Variants in HSD17B4 observed in about 807,000 individuals in gnomAD.
HSD17B4 encodes the protein hydroxysteroid 17-beta dehydrogenase 4.
In HSD17B4, 70 loss-of-function variants were observed where a neutral mutation model predicts 101.0. The observed-to-expected ratio is 0.69, with a 90% CI of 0.57 to 0.85. HSD17B4 has a LOEUF of 0.85. Ranked by LOEUF, HSD17B4 falls within the 40% of genes least tolerant of loss-of-function variation. The pLI is 0.00. For missense variants in HSD17B4, 984 were observed against 892.4 expected, an observed-to-expected ratio of 1.10 and a Z score of -1.31; for synonymous variants, 347 against 297.1, an observed-to-expected ratio of 1.17 and a Z score of -1.73.
chr5:119,491,434 G>C (rs561486731), intron 9 of HSD17B4, among the ~76,000 whole-genome samples: 1 of 147,964 alleles, frequency 6.8e-6, no homozygotes, highest in East Asian at 2.0e-4. Context: ...GTGACAAACA[G>C]ATTTTCTTTA....
chr5:119,476,968 T>C (rs1449667604), intron 6 of HSD17B4, among the ~76,000 whole-genome samples: 1 of 152,214 alleles, frequency 6.6e-6, no homozygotes, highest in Non-Finnish European at 1.5e-5. Context: ...AAAACAGGCC[T>C]CTCACTAACT....
At chr5:119,499,589 A>C in intron 13 of HSD17B4, 36 bp downstream of exon 13, 1 of 1,155,954 alleles carries the variant, frequency 8.7e-7, no homozygotes, top group Non-Finnish European at 1.3e-6. Context: ...TTGCTTTTCT[A>C]TTTCTGTAAA....
At chr5:119,515,729 T>C (rs1752551187) in intron 17 of HSD17B4, among the ~76,000 whole-genome samples, 1 of 152,136 alleles carries the variant, frequency 6.6e-6, no homozygotes, top group Admixed American at 6.5e-5. Context: ...CATGCAGATA[T>C]AGCATAAAAT....
rs950293554 is a variant in HSD17B4 at position 119,478,764 on chromosome 5, A to C, written c.435-70A>C. ...CTTTTGATAGGTGCAGTAGTACCAA[A>C]ACAGAGTTAGAGTTGCAATGTTATC... On this transcript the variant is annotated intron_variant, in intron 7 of 23. Transcript: ENST00000510025. 9 of 1,339,060 alleles carry C rather than the reference A, an allele frequency of 6.7e-6. No individual in the cohort carries two copies. The African/African-American group carries it at 1.3e-4, about 19-fold the overall frequency. The allele number at this position is 1,339,060 out of a possible 1,614,324, so 82.9% of individuals were successfully genotyped here. A position where few individuals can be genotyped will look rare whatever the true frequency, so the allele number is the denominator to read the frequency against.
At chr5:119,464,592 C>CT (rs994989574) in intron 2 of HSD17B4, 20 of 149,556 alleles carry the variant, frequency 1.3e-4, no homozygotes, top group East Asian at 5.9e-4. Context: ...GTAGCTATAG[C>CT]TTTTTTTTTT....
intron 8 of HSD17B4, among the ~76,000 whole-genome samples, chr5:119,486,317 G>A (rs1459358983): frequency 6.6e-6 from 1 of 152,150 alleles, no homozygotes; most frequent in Admixed American, 6.6e-5. Context: ...TAAAGGACAT[G>A]GGGGTCATTG....
At chr5:119,455,086 A>C (rs1266907486) in intron 1 of HSD17B4, among the ~76,000 whole-genome samples, 1 of 152,272 alleles carries the variant, frequency 6.6e-6, no homozygotes. Flanking sequence ...ATATTAAAAA[A>C]TGTAAACAAT....
intron 11 of HSD17B4, 115 bp from the exon 12 acceptor site, chr5:119,496,428 G>A: frequency 1.4e-6 from 1 of 703,650 alleles, no homozygotes; most frequent in Non-Finnish European, 2.6e-6. Context: ...GGCAATGGAG[G>A]CTCTGTAGCA....
chr5:119,528,993 G>A (rs938460445), intron 20 of HSD17B4, among the ~76,000 whole-genome samples: 6 of 151,724 alleles, frequency 4.0e-5, no homozygotes, highest in African/African-American at 9.7e-5. Context: ...GCTTGATTTG[G>A]TAACAATAAA....
intron 15 of HSD17B4, 85 bp from the exon 16 acceptor site, chr5:119,509,056 A>G (rs1198594000): frequency 2.5e-6 from 2 of 791,094 alleles, no homozygotes; most frequent in East Asian, 2.5e-5. Flanking sequence ...TGAAACCTTG[A>G]CAGGAATTGT....
At chr5:119,498,638 G>A (rs543692990) in intron 12 of HSD17B4, among the ~76,000 whole-genome samples, 2 of 152,330 alleles carry the variant, frequency 1.3e-5, no homozygotes, top group Admixed American at 6.5e-5. Context: ...AGCACTTTGG[G>A]AGGCCGAGGT....
At chr5:119,454,016 C>T (rs1224552931) in intron 1 of HSD17B4, among the ~76,000 whole-genome samples, 1 of 152,176 alleles carries the variant, frequency 6.6e-6, no homozygotes, top group Non-Finnish European at 1.5e-5. Context: ...GGGACTGCTT[C>T]TTTTGACACC....
chr5:119,503,770 T>G (rs2126796648), intron 14 of HSD17B4, among the ~76,000 whole-genome samples: 1 of 151,902 alleles, frequency 6.6e-6, no homozygotes, highest in East Asian at 1.9e-4. Context: ...TTATATAAAC[T>G]TTATTATTTT....
At chr5:119,457,295 C>G (rs534287278) in intron 2 of HSD17B4, among the ~76,000 whole-genome samples, 1 of 152,312 alleles carries the variant, frequency 6.6e-6, no homozygotes, top group East Asian at 1.9e-4. Context: ...TTTCAGCTTT[C>G]TGACATCTTA....
At chr5:119,463,214 C>T (rs1320312584) in intron 2 of HSD17B4, among the ~76,000 whole-genome samples, 2 of 152,094 alleles carry the variant, frequency 1.3e-5, no homozygotes, top group African/African-American at 2.4e-5. Context: ...AATAGTATTC[C>T]ATTATGTATT....
intron 2 of HSD17B4, among the ~76,000 whole-genome samples, chr5:119,461,893 A>G (rs766308098): frequency 2.6e-5 from 4 of 152,164 alleles, no homozygotes; most frequent in Non-Finnish European, 5.9e-5. Context: ...AGAAAAAACG[A>G]AAAGGATTTC....
Position 119,461,359 on chromosome 5 carries a change from C to T in HSD17B4, c.112+4991C>T, listed in dbSNP as rs190057907. Among the ~76,000 whole-genome samples the T allele has an allele frequency of 1.7e-3, 252 of 151,546 alleles. 5 individuals carry two copies. The South Asian group carries it at 0.046, about 28-fold the overall frequency. ...AATAAAATATTACTTTACTAGTGCTCAAAAAAATGTAGACTAAAATAATGA... is the reference window on the plus strand; with the variant it reads ...AATAAAATATTACTTTACTAGTGCTTAAAAAAATGTAGACTAAAATAATGA... On this transcript the variant is annotated intron_variant, in intron 2 of 23. Transcript: ENST00000510025.
At chr5:119,456,724 GTGATGGCGC>G in intron 2 of HSD17B4, 1 of 263,922 alleles carries the variant, frequency 3.8e-6, no homozygotes, top group Non-Finnish European at 7.3e-6. Context: ...TCCAATCTGG[GTGATGGCGC>G]AAAAAAAACC....
Position 119,535,921 on chromosome 5 carries a change from T to C in HSD17B4, c.1994-502T>C, listed in dbSNP as rs181833979. 1.6e-4 allele frequency: 27 copies of C among 171,220 alleles called. No individual in the cohort carries two copies. In the East Asian group the frequency reaches 3.9e-3, roughly 25 times the overall value. The allele number at this position is 171,220 out of a possible 1,614,324, so 10.6% of individuals were successfully genotyped here. On this transcript the variant is annotated intron_variant, in intron 22 of 23. Coordinates refer to ENST00000510025, the MANE Select transcript of HSD17B4 (RefSeq NM_000414.4). Reference sequence around the variant, plus strand: ...TAAGATCCTCAGGGGTCTCCAAGTTTTCAAATGCCATATTCTCATCTGTTA... The same window carrying C: ...TAAGATCCTCAGGGGTCTCCAAGTTCTCAAATGCCATATTCTCATCTGTTA...
Sources: gnomAD v4.1 joint callset for allele counts (sites outside exome capture counted in the v4.1 genomes callset) on GRCh38, gnomAD v4.1.1 for gene constraint, MANE v1.5 for transcripts, NCBI Gene and HGNC (gene_info 2026-07-23, HGNC 2026-07-21) for gene names.